Variants in CTNNA3 observed in about 807,000 individuals in gnomAD.
The protein encoded by CTNNA3 is catenin alpha-3.
CTNNA3 carries 76 observed loss-of-function variants against 95.7 expected under a neutral mutation model. That is an observed-to-expected ratio of 0.79 (90% CI 0.66 to 0.96). CTNNA3 has a LOEUF of 0.96. Ranked by LOEUF, CTNNA3 falls within the 40% of genes least tolerant of loss-of-function variation. The probability of loss-of-function intolerance (pLI) is 0.00; values close to 1 mark genes in which losing one functional copy is unlikely to be tolerated. For missense variants in CTNNA3, 1,191 were observed against 1,089.8 expected, an observed-to-expected ratio of 1.09 and a Z score of -1.31; for synonymous variants, 431 against 374.4, an observed-to-expected ratio of 1.15 and a Z score of -1.74.
chr10:67,637,969 A>C (rs991681621), intron 2 of CTNNA3, among the ~76,000 whole-genome samples: 4 of 152,210 alleles, frequency 2.6e-5, no homozygotes, highest in Non-Finnish European at 2.9e-5. Context: ...TGAGCAAAAT[A>C]ACCAGCTAAC....
intron 17 of CTNNA3, among the ~76,000 whole-genome samples, chr10:65,952,547 AT>A (rs889743967): frequency 1.9e-4 from 24 of 123,808 alleles, no homozygotes; most frequent in East Asian, 6.1e-4. Flanking sequence ...TAATTTTCCA[AT>A]TTTTTTTTAA....
chr10:66,249,266 A>G (rs1112130), intron 13 of CTNNA3, among the ~76,000 whole-genome samples: 122,835 of 152,068 alleles, frequency 0.81, 49,962 homozygotes, highest in South Asian at 0.94. Flanking sequence ...AGCAAAAAAG[A>G]ACAAATGAGA....
At chr10:66,062,384 C>CT (rs1489589603) in intron 15 of CTNNA3, among the ~76,000 whole-genome samples, 1 of 152,040 alleles carries the variant, frequency 6.6e-6, no homozygotes, top group African/African-American at 2.4e-5. Context: ...TGGGGGACTA[C>CT]TAGCTGATAA....
At chr10:67,212,992 C>CTAT (rs58124008) in intron 6 of CTNNA3, among the ~76,000 whole-genome samples, 6,547 of 151,824 alleles carry the variant, frequency 0.043, 176 homozygotes, top group South Asian at 0.087. Flanking sequence ...TGTTTGTTTG[C>CTAT]TATTCTCAGG....
At chr10:67,518,625 T>C (rs1311108700) in intron 5 of CTNNA3, among the ~76,000 whole-genome samples, 2 of 152,150 alleles carry the variant, frequency 1.3e-5, no homozygotes, top group African/African-American at 2.4e-5. Context: ...AATGGATGTG[T>C]TTTATAATGT....
intron 12 of CTNNA3, among the ~76,000 whole-genome samples, chr10:66,324,322 A>AAAAC (rs887942519): frequency 6.6e-6 from 1 of 152,094 alleles, no homozygotes; most frequent in African/African-American, 2.4e-5. Context: ...TGCATCTCAA[A>AAAAC]AAACAAACAA....
chr10:67,678,985 C>G (rs1840580218), intron 1 of CTNNA3, among the ~76,000 whole-genome samples: 1 of 152,080 alleles, frequency 6.6e-6, no homozygotes, highest in Non-Finnish European at 1.5e-5. Flanking sequence ...AGAGAGAAAG[C>G]AAAATAACAA....
intron 11 of CTNNA3, among the ~76,000 whole-genome samples, chr10:66,388,426 A>T (rs1192105622): frequency 2.6e-5 from 4 of 152,168 alleles, no homozygotes; most frequent in African/African-American, 9.6e-5. Flanking sequence ...ACAATGAATG[A>T]GTAGTCACCT....
chr10:66,252,047 G>A (rs1589855774), intron 13 of CTNNA3, among the ~76,000 whole-genome samples: 1 of 152,236 alleles, frequency 6.6e-6, no homozygotes, highest in Middle Eastern at 3.4e-3. Flanking sequence ...ATCTCACAGA[G>A]TCACTTCTTT....
chr10:66,605,852 C>A (rs1164730490), intron 10 of CTNNA3, among the ~76,000 whole-genome samples: 1 of 152,166 alleles, frequency 6.6e-6, no homozygotes, highest in Non-Finnish European at 1.5e-5. Flanking sequence ...CAAAAACACA[C>A]TTTTAAATAT....
At chr10:67,508,985 T>C (rs1465251310) in intron 5 of CTNNA3, among the ~76,000 whole-genome samples, 1 of 151,892 alleles carries the variant, frequency 6.6e-6, no homozygotes, top group African/African-American at 2.4e-5. Flanking sequence ...CAAGCAATTC[T>C]CTTGCCTCAG....
intron 9 of CTNNA3, among the ~76,000 whole-genome samples, chr10:66,663,250 C>T (rs1014369532): frequency 5.9e-5 from 9 of 151,926 alleles, no homozygotes; most frequent in African/African-American, 2.2e-4. Flanking sequence ...TAACAATGTC[C>T]TTACAATGGC....
At chr10:66,389,694 AGTT>A (rs1436742071) in intron 11 of CTNNA3, among the ~76,000 whole-genome samples, 1 of 149,876 alleles carries the variant, frequency 6.7e-6, no homozygotes, top group African/African-American at 2.5e-5. Context: ...AATTTTTTCT[AGTT>A]GTTCAGTTTC....
intron 7 of CTNNA3, among the ~76,000 whole-genome samples, chr10:67,117,501 C>A (rs60344079): frequency 0.021 from 3,197 of 152,004 alleles, 113 homozygotes; most frequent in African/African-American, 0.073. Flanking sequence ...ATTATTGTTT[C>A]TTTACCCTAA....
At chr10:67,088,787 C>T (rs1278255631) in intron 7 of CTNNA3, among the ~76,000 whole-genome samples, 1 of 151,984 alleles carries the variant, frequency 6.6e-6, no homozygotes, top group Non-Finnish European at 1.5e-5. Context: ...ATTCTCGTTA[C>T]AGACACTTGA....
rs1367758157 is a variant in CTNNA3, at chr10:67,041,190, C to A, written c.1047+139127G>T. On this transcript the variant is annotated intron_variant, in intron 7 of 17. Coordinates refer to ENST00000433211, the MANE Select transcript of CTNNA3 (RefSeq NM_013266.4). The stretch of plus-strand genomic sequence containing the variant: ...TCATGTTCTGCCAGAGCAAATAGTA[C>A]TGAAGAAAATCAAACTTGTCAGAAT... 2.6e-5 allele frequency among the ~76,000 whole-genome samples: 4 copies of A among 152,092 alleles called. No homozygotes were observed. In the East Asian group the frequency reaches 7.7e-4, roughly 29 times the overall value.
chr10:66,451,396 G>A (rs566782392), intron 11 of CTNNA3, among the ~76,000 whole-genome samples: 1 of 152,122 alleles, frequency 6.6e-6, no homozygotes, highest in South Asian at 2.1e-4. Flanking sequence ...GATTGAGACA[G>A]ACAAATGAAT....
chr10:66,025,638 A>G (rs1589263196), intron 15 of CTNNA3, among the ~76,000 whole-genome samples: 2 of 152,190 alleles, frequency 1.3e-5, no homozygotes, highest in East Asian at 3.9e-4. Flanking sequence ...CTAAGCAGCA[A>G]GTTCAACTTG....
intron 10 of CTNNA3, among the ~76,000 whole-genome samples, chr10:66,597,539 TA>T (rs1843758287): frequency 1.5e-4 from 21 of 137,324 alleles, no homozygotes; most frequent in East Asian, 6.1e-4. Context: ...TATATATATA[TA>T]TATATATATA....
Sources: gnomAD v4.1 joint callset for allele counts (sites outside exome capture counted in the v4.1 genomes callset) on GRCh38, gnomAD v4.1.1 for gene constraint, MANE v1.5 for transcripts, NCBI Gene and HGNC (gene_info 2026-07-23, HGNC 2026-07-21) for gene names.